The following KCNJ6 variants were observed in gnomAD, a reference collection of about 807,000 sequenced individuals.
KCNJ6 encodes potassium inwardly rectifying channel subfamily J member 6, also known as G protein-activated inward rectifier potassium channel 2.
Under a neutral mutation model 34.2 loss-of-function variants are expected in KCNJ6, and 9 were observed. The ratio of observed to expected loss-of-function variants is 0.26; its 90% CI spans 0.16 to 0.46. The LOEUF is 0.46. Ranked by LOEUF, KCNJ6 falls within the 20% of genes least tolerant of loss-of-function variation. The pLI is 1.00. For missense variants in KCNJ6, 236 were observed against 531.3 expected (o/e 0.44, Z 5.46); for synonymous variants, 196 against 207.1 (o/e 0.95, Z 0.46).
At position 37,665,074 on chromosome 21, in the gene KCNJ6, A is replaced by G. The variant is rs891618115; in HGVS notation, c.947-39590T>C. 3.9e-5 allele frequency among the ~76,000 whole-genome samples: 6 copies of G among 152,004 alleles called. No homozygotes were observed. In the South Asian group the frequency reaches 1.2e-3, roughly 31 times the overall value. ...GCCTCCCAAAGTGCTGGGATTACAG[A>G]CATGAGCCACCACGCCTGGCAAGAA... On this transcript the variant is annotated intron_variant, in intron 3 of 3. Coordinates refer to ENST00000609713, the MANE Select transcript of KCNJ6 (RefSeq NM_002240.5).
At chr21:37,864,628 G>A (rs990692342) in intron 1 of KCNJ6, among the ~76,000 whole-genome samples, 2 of 152,168 alleles carry the variant, frequency 1.3e-5, no homozygotes, top group Non-Finnish European at 2.9e-5. Flanking sequence ...TTCAGAGGTG[G>A]AGGGACTCAG....
intron 3 of KCNJ6, among the ~76,000 whole-genome samples, chr21:37,703,193 A>C (rs2054700701): frequency 6.6e-6 from 1 of 152,182 alleles, no homozygotes; most frequent in South Asian, 2.1e-4. Flanking sequence ...CTATTAGGAA[A>C]AATTGGTGAT....
At chr21:37,878,407 G>A (rs190986633) in intron 1 of KCNJ6, among the ~76,000 whole-genome samples, 52 of 152,276 alleles carry the variant, frequency 3.4e-4, no homozygotes, top group African/African-American at 1.1e-3. Context: ...GCAATGATTT[G>A]CTTAGCAGTG....
chr21:37,810,360 A>G (rs762516315), intron 2 of KCNJ6, among the ~76,000 whole-genome samples: 98 of 152,350 alleles, frequency 6.4e-4, no homozygotes, highest in Admixed American at 1.4e-3. Context: ...GCAACCTTGC[A>G]TACATCTCTT....
chr21:37,810,928 A>G (rs2055319650), intron 2 of KCNJ6, among the ~76,000 whole-genome samples: 1 of 151,972 alleles, frequency 6.6e-6, no homozygotes, highest in South Asian at 2.1e-4. Flanking sequence ...ATTTCCCGTA[A>G]TTTTATTTTA....
chr21:37,804,855 T>C (rs1258479876), intron 2 of KCNJ6, among the ~76,000 whole-genome samples: 3 of 152,278 alleles, frequency 2.0e-5, no homozygotes, highest in Middle Eastern at 3.4e-3. Flanking sequence ...GTCTTTACTA[T>C]AGTGAGTAGG....
intron 2 of KCNJ6, among the ~76,000 whole-genome samples, chr21:37,829,085 G>A (rs1016147993): frequency 2.0e-5 from 3 of 152,108 alleles, no homozygotes; most frequent in Admixed American, 6.5e-5. Flanking sequence ...CCTTGCCTGG[G>A]TAGAACCTGC....
intron 3 of KCNJ6, among the ~76,000 whole-genome samples, chr21:37,633,294 T>A (rs1234726876): frequency 6.6e-6 from 1 of 152,174 alleles, no homozygotes; most frequent in Non-Finnish European, 1.5e-5. Flanking sequence ...ATGAAACTTC[T>A]TAATAAACTT....
chr21:37,839,842 T>C (rs1449486842), intron 2 of KCNJ6, among the ~76,000 whole-genome samples: 1 of 152,236 alleles, frequency 6.6e-6, no homozygotes, highest in Admixed American at 6.5e-5. Context: ...CTTGCTCTGC[T>C]GCCCAGACTA....
chr21:37,666,328 T>C (rs2054513671), intron 3 of KCNJ6, among the ~76,000 whole-genome samples: 1 of 152,122 alleles, frequency 6.6e-6, no homozygotes, highest in African/African-American at 2.4e-5. Flanking sequence ...CTGAGCTGAC[T>C]CTCACGGTTT....
At chr21:37,855,825 C>G (rs1246988685) in intron 1 of KCNJ6, among the ~76,000 whole-genome samples, 2 of 152,198 alleles carry the variant, frequency 1.3e-5, no homozygotes, top group African/African-American at 4.8e-5. Flanking sequence ...TTCTGTGGTT[C>G]CTAATTTTTT....
At chr21:37,686,719 G>C (rs976253943) in intron 3 of KCNJ6, among the ~76,000 whole-genome samples, 2 of 151,974 alleles carry the variant, frequency 1.3e-5, no homozygotes, top group African/African-American at 4.8e-5. Context: ...TGCCCACCCT[G>C]GCCTCCCAAA....
Position 37,725,544 on chromosome 21 carries a change from G to A in KCNJ6, c.26-10413C>T, listed in dbSNP as rs116106617. Among the ~76,000 whole-genome samples the A allele has an allele frequency of 7.7e-3, 1,175 of 152,338 alleles. 19 individuals carry two copies. The highest frequency in any genetic ancestry group is 0.027 in the African/African-American group (1,120 of 41,562). ...AAAGGTGTGTGTTGGGAGAGGAAGT[G>A]TAATTTCATACTTGTATGTATTATG... On this transcript the variant is annotated intron_variant, in intron 2 of 3. Coordinates refer to ENST00000609713, the MANE Select transcript of KCNJ6 (RefSeq NM_002240.5).
chr21:37,712,500 CCCCTT>C (rs2054759550), intron 3 of KCNJ6, among the ~76,000 whole-genome samples: 1 of 122,004 alleles, frequency 8.2e-6, no homozygotes, highest in Non-Finnish European at 1.6e-5. Flanking sequence ...CCTCCCTCCT[CCCCTT>C]CTCCTCCTCT....
intron 2 of KCNJ6, among the ~76,000 whole-genome samples, chr21:37,821,306 C>T (rs1445627686): frequency 2.0e-5 from 3 of 152,166 alleles, no homozygotes; most frequent in Non-Finnish European, 4.4e-5. Flanking sequence ...CATCTAGTTC[C>T]CATTTTCAAC....
In KCNJ6 at chr21:37,655,245, G is replaced by A. The variant is rs1317819645; in HGVS notation, c.947-29761C>T. Reference sequence around the variant, plus strand: ...TGTGTGAGAGAGAGAGAGAGAGAGAGAGAGAGAGAGAGAGAGAGAGAGAGA... The same window carrying A: ...TGTGTGAGAGAGAGAGAGAGAGAGAAAGAGAGAGAGAGAGAGAGAGAGAGA... On this transcript the variant is annotated intron_variant, in intron 3 of 3. Transcript: ENST00000609713. Among the ~76,000 whole-genome samples the A allele has an allele frequency of 5.0e-3, 226 of 45,140 alleles. 4 individuals are homozygous for A. The highest frequency in any genetic ancestry group is 0.019 in the African/African-American group (158 of 8,284). 29.6% of individuals were successfully genotyped at this position (45,140 alleles called of 152,430 possible). A position where few individuals can be genotyped will look rare whatever the true frequency, so the allele number is the denominator to read the frequency against.
chr21:37,646,836 A>G (rs956899600), intron 3 of KCNJ6, among the ~76,000 whole-genome samples: 1 of 151,642 alleles, frequency 6.6e-6, no homozygotes, highest in African/African-American at 2.4e-5. Flanking sequence ...ACGCCCGGCT[A>G]ATTTGTTGTA....
intron 2 of KCNJ6, among the ~76,000 whole-genome samples, chr21:37,741,872 C>G (rs1466057878): frequency 4.6e-5 from 7 of 152,178 alleles, no homozygotes; most frequent in Admixed American, 1.3e-4. Flanking sequence ...CCCAAAGCAC[C>G]AGAACTCTTT....
At chr21:37,874,916 G>T (rs368112942) in intron 1 of KCNJ6, among the ~76,000 whole-genome samples, 2 of 152,280 alleles carry the variant, frequency 1.3e-5, no homozygotes, top group South Asian at 4.2e-4. Flanking sequence ...TGTGTCCACT[G>T]CTGTGCCCTG....
Sources: gnomAD v4.1 joint callset for allele counts (sites outside exome capture counted in the v4.1 genomes callset) on GRCh38, gnomAD v4.1.1 for gene constraint, MANE v1.5 for transcripts, NCBI Gene and HGNC (gene_info 2026-07-23, HGNC 2026-07-21) for gene names.